RSF1: variants seen among roughly 807,000 people sequenced by gnomAD.
RSF1 encodes the protein remodeling and spacing factor 1.
Under a neutral mutation model 145.2 loss-of-function variants are expected in RSF1, and 13 were observed. The ratio of observed to expected loss-of-function variants is 0.09; its 90% CI spans 0.06 to 0.14. The LOEUF is 0.14. Ranked by LOEUF, RSF1 falls within the 10% of genes least tolerant of loss-of-function variation. RSF1 has a pLI of 1.00. For synonymous variants in RSF1, 577 were observed against 592.6 expected, an observed-to-expected ratio of 0.97 and a Z score of 0.38; for missense variants, 1,517 against 1,718.2, an observed-to-expected ratio of 0.88 and a Z score of 2.07.
intron 1 of RSF1, among the ~76,000 whole-genome samples, chr11:77,816,774 T>C (rs1948785763): frequency 6.6e-6 from 1 of 152,108 alleles, no homozygotes; most frequent in Admixed American, 6.6e-5. Flanking sequence ...ATCATCTACC[T>C]CCAGTTAGGA....
chr11:77,683,382 C>T (rs956519589), intron 11 of RSF1, among the ~76,000 whole-genome samples: 1 of 151,788 alleles, frequency 6.6e-6, no homozygotes, highest in South Asian at 2.1e-4. Flanking sequence ...AACAGATTTA[C>T]ATTTGGAAAG....
At chr11:77,821,233 G>C (rs1242683348), upstream of RSF1, 1 of 261,062 alleles carries the variant, frequency 3.8e-6, no homozygotes, top group Non-Finnish European at 7.2e-6. Context: ...TGAGGAGACA[G>C]TGCGGTGGGT....
intron 1 of RSF1, among the ~76,000 whole-genome samples, chr11:77,803,763 G>T (rs1590896782): frequency 6.6e-6 from 1 of 151,736 alleles, no homozygotes; most frequent in African/African-American, 2.4e-5. Flanking sequence ...GTGCAACAGG[G>T]TGAGACTTCA....
At chr11:77,779,712 T>G (rs973153447) in intron 1 of RSF1, among the ~76,000 whole-genome samples, 1 of 152,144 alleles carries the variant, frequency 6.6e-6, no homozygotes, top group Non-Finnish European at 1.5e-5. Flanking sequence ...AAATATACTA[T>G]TGTCTTGCTG....
In RSF1 at chr11:77,674,789, C is replaced by T. The variant is rs138981823; in HGVS notation, c.3562+247G>A. On this transcript the variant is annotated intron_variant, in intron 14 of 15. Coordinates refer to ENST00000308488, the MANE Select transcript of RSF1 (RefSeq NM_016578.4). The stretch of plus-strand genomic sequence containing the variant: ...CTGAGGTGGGCAGATCACCTGAGGT[C>T]GGGAGTTTGAGACCAGCCTGGCCAA... Among the ~76,000 whole-genome samples the T allele has an allele frequency of 8.5e-3, 1,301 of 152,226 alleles. 19 individuals are homozygous for T. The highest frequency in any genetic ancestry group is 0.028 in the African/African-American group (1,174 of 41,538).
At chr11:77,689,419 C>T (rs900320839) in intron 9 of RSF1, among the ~76,000 whole-genome samples, 1 of 152,238 alleles carries the variant, frequency 6.6e-6, no homozygotes, top group Non-Finnish European at 1.5e-5. Context: ...TCCTACCATA[C>T]CTCTACTGTC....
At chr11:77,668,498 A>G (rs967769622) in intron 15 of RSF1, among the ~76,000 whole-genome samples, 1 of 152,110 alleles carries the variant, frequency 6.6e-6, no homozygotes, top group Non-Finnish European at 1.5e-5. Flanking sequence ...TAGTTATTAG[A>G]CGCCCTTGGT....
In RSF1 at chr11:77,701,975, T is replaced by C. The variant is rs1414636004; in HGVS notation, c.1254A>G (p.Ile418Met). 2 of 1,614,062 alleles carry C rather than the reference T, an allele frequency of 1.2e-6. No individual in the cohort carries two copies. Residue 418 changes from isoleucine to methionine, a missense_variant, in exon 6 of 16, where the codon ATA becomes ATG. Coordinates refer to ENST00000308488, the MANE Select transcript of RSF1 (RefSeq NM_016578.4). Reference sequence around the variant, plus strand: ...TTTTACAAGTCTCTTCCTCTTGTTTTATTTCATCTTTCAAAAACTCTTTTG... The same window carrying C: ...TTTTACAAGTCTCTTCCTCTTGTTTCATTTCATCTTTCAAAAACTCTTTTG... ...TPTKEFLKDE[I>M]KQEEETCKRI... is the part of the protein sequence containing the mutation.
chr11:77,693,773 A>ATTTATTTATTTG, intron 7 of RSF1, among the ~76,000 whole-genome samples, 162 bp from the exon 8 acceptor site: 1 of 101,734 alleles, frequency 9.8e-6, no homozygotes, highest in Non-Finnish European at 1.8e-5. Flanking sequence ...ACATTTATTT[A>ATTTATTTATTTG]TTTATTTATT....
chr11:77,862,392 G>T, the RSF1 span, among the ~76,000 whole-genome samples: 1 of 152,298 alleles, frequency 6.6e-6, no homozygotes, highest in South Asian at 2.1e-4. Flanking sequence ...AGCCATCAGG[G>T]TTATCTGAGA....
intron 11 of RSF1, among the ~76,000 whole-genome samples, chr11:77,681,550 G>T (rs980098508): frequency 4.6e-5 from 7 of 152,084 alleles, no homozygotes; most frequent in African/African-American, 1.4e-4. Flanking sequence ...AAAGTACTGG[G>T]ATTTCAAGTG....
intron 1 of RSF1, among the ~76,000 whole-genome samples, chr11:77,789,531 C>T (rs1174957999): frequency 2.0e-5 from 3 of 152,148 alleles, no homozygotes; most frequent in Non-Finnish European, 4.4e-5. Flanking sequence ...CCACTATGGC[C>T]ACAGCTGAGG....
chr11:77,843,863 A>G, the RSF1 span, among the ~76,000 whole-genome samples: 1 of 152,186 alleles, frequency 6.6e-6, no homozygotes, highest in Non-Finnish European at 1.5e-5. Flanking sequence ...ATCATGGCAG[A>G]AGGCAAGGAG....
intron 1 of RSF1, among the ~76,000 whole-genome samples, chr11:77,814,652 G>A (rs1300527318): frequency 4.6e-5 from 7 of 152,016 alleles, no homozygotes; most frequent in African/African-American, 9.7e-5. Context: ...CACCATGTTC[G>A]CCAGGCTGGT....
At chr11:77,787,960 C>T (rs1429980681) in intron 1 of RSF1, among the ~76,000 whole-genome samples, 1 of 150,746 alleles carries the variant, frequency 6.6e-6, no homozygotes, top group African/African-American at 2.4e-5. Flanking sequence ...GAAACCCCGT[C>T]TCTACTAAAA....
intron 4 of RSF1, among the ~76,000 whole-genome samples, chr11:77,726,893 C>T (rs1270358399): frequency 6.6e-6 from 1 of 152,192 alleles, no homozygotes; most frequent in East Asian, 1.9e-4. Context: ...TGTATATCCT[C>T]ATTAGGCCTC....
chr11:77,848,954 C>G, the RSF1 span, among the ~76,000 whole-genome samples: 1 of 151,886 alleles, frequency 6.6e-6, no homozygotes, highest in Non-Finnish European at 1.5e-5. Context: ...CAATGCCTGG[C>G]TAATTTATTT....
chr11:77,859,687 C>G, the RSF1 span, among the ~76,000 whole-genome samples: 1 of 152,180 alleles, frequency 6.6e-6, no homozygotes, highest in Non-Finnish European at 1.5e-5. Flanking sequence ...CATCAGTATA[C>G]AAGTTGAGGT....
intron 4 of RSF1, chr11:77,734,330 T>A: frequency 2.1e-6 from 1 of 482,194 alleles, no homozygotes; most frequent in Non-Finnish European, 3.6e-6. Flanking sequence ...CCAAATTTCT[T>A]CATCTGAAGG....
Sources: gnomAD v4.1 joint callset for allele counts (sites outside exome capture counted in the v4.1 genomes callset) on GRCh38, gnomAD v4.1.1 for gene constraint, MANE v1.5 for transcripts, NCBI Gene and HGNC (gene_info 2026-07-23, HGNC 2026-07-21) for gene names.